Variants in RFX7 observed in about 807,000 individuals in gnomAD.
RFX7 encodes the protein regulatory factor X7.
A neutral mutation model predicts 111.8 loss-of-function variants in RFX7; 26 were observed. The ratio of observed to expected loss-of-function variants is 0.23; its 90% CI spans 0.17 to 0.32. The LOEUF is 0.32. Ranked by LOEUF, RFX7 falls within the 10% of genes least tolerant of loss-of-function variation. RFX7 has a pLI of 1.00. For missense variants in RFX7, 1,573 were observed against 1,772.9 expected (o/e 0.89, Z 2.02); for synonymous variants, 624 against 624.4 (o/e 1.00, Z 0.01).
At chr15:56,244,192 TAA>T (rs2043779108), upstream of RFX7, 1 of 152,178 alleles carries the variant, frequency 6.6e-6, no homozygotes, top group African/African-American at 2.4e-5. Flanking sequence ...TCAAAGCAAG[TAA>T]AGAGAAATCA....
intron 3 of RFX7, among the ~76,000 whole-genome samples, chr15:56,153,906 C>A: frequency 6.6e-6 from 1 of 152,084 alleles, no homozygotes; most frequent in Non-Finnish European, 1.5e-5. Context: ...TCATCTCAGC[C>A]CAAAATCTCC....
intron 5 of RFX7, among the ~76,000 whole-genome samples, chr15:56,121,372 T>C (rs2042076663): frequency 6.6e-6 from 1 of 152,236 alleles, no homozygotes; most frequent in Non-Finnish European, 1.5e-5. Flanking sequence ...AGGTCCATTG[T>C]ATGTTATTTG....
chr15:56,244,694 G>T (rs2043801124), upstream of RFX7, among the ~76,000 whole-genome samples: 1 of 150,930 alleles, frequency 6.6e-6, no homozygotes, highest in South Asian at 2.1e-4. Context: ...TGCAGCCAAG[G>T]CCACTGCCTG....
intron 5 of RFX7, among the ~76,000 whole-genome samples, chr15:56,105,349 C>T (rs1268113043): frequency 6.6e-6 from 1 of 152,160 alleles, no homozygotes; most frequent in East Asian, 1.9e-4. Flanking sequence ...TAAGTTCAAG[C>T]AGGGCAGTGA....
chr15:56,243,185 AC>A lies in RFX7; in HGVS notation c.100del (p.Val34CysfsTer41). 1 of 1,352,794 alleles carries A rather than the reference AC, an allele frequency of 7.4e-7. No individual in the cohort carries two copies. Among genetic ancestry groups the A allele is most frequent in the Non-Finnish European group, 9.8e-7 (1 of 1,015,574 alleles). The allele number at this position is 1,352,794 out of a possible 1,614,324, so 83.8% of individuals were successfully genotyped here. A position where few individuals can be genotyped will look rare whatever the true frequency, so the allele number is the denominator to read the frequency against. ...GGCCTCTGTCCCTGGCAGCCCGGGC[AC>A]AAGGGCTGGCAGGGCCACCCCCGAG... ...PNSGVALPAL[V>X]PGLPGTEASA... On this transcript the variant is annotated frameshift_variant, in exon 2 of 10. Coordinates refer to ENST00000559447, the MANE Select transcript of RFX7 (RefSeq NM_022841.7). LOFTEE classifies it high-confidence loss of function.
In RFX7 at chr15:56,152,316, C is replaced by A. The variant is rs546581726; in HGVS notation, c.196-7833G>T. 2.6e-5 allele frequency among the ~76,000 whole-genome samples: 4 copies of A among 152,268 alleles called. No homozygotes were observed. The South Asian group carries it at 8.3e-4, about 32-fold the overall frequency. ...ACATAATTGGAAGTAAAACACTCCT[C>A]AGCAAATGCAAAAGAAGGGAAATCA... On this transcript the variant is annotated intron_variant, in intron 3 of 9. Coordinates refer to ENST00000559447, the MANE Select transcript of RFX7 (RefSeq NM_022841.7).
At chr15:56,123,657 T>C (rs2042105887) in intron 5 of RFX7, among the ~76,000 whole-genome samples, 1 of 152,204 alleles carries the variant, frequency 6.6e-6, no homozygotes, top group Non-Finnish European at 1.5e-5. Flanking sequence ...ATTGCAGTCC[T>C]TGTGGTCTAG....
intron 3 of RFX7, among the ~76,000 whole-genome samples, chr15:56,145,271 C>A (rs1410457163): frequency 6.6e-6 from 1 of 152,114 alleles, no homozygotes; most frequent in Non-Finnish European, 1.5e-5. Context: ...ATTCTGGTAG[C>A]CTAATCTAAG....
chr15:56,159,156 G>T (rs2042690777), intron 3 of RFX7, among the ~76,000 whole-genome samples: 1 of 152,164 alleles, frequency 6.6e-6, no homozygotes, highest in South Asian at 2.1e-4. Context: ...AGTCCATGTT[G>T]TTGTAAATAA....
intron 5 of RFX7, among the ~76,000 whole-genome samples, chr15:56,138,120 G>C (rs1341326136): frequency 7.2e-6 from 1 of 139,312 alleles, no homozygotes; most frequent in African/African-American, 2.7e-5. Context: ...TTCTGTAGAT[G>C]TCTATTAGGT....
chr15:56,149,569 G>T (rs982050806), intron 3 of RFX7, among the ~76,000 whole-genome samples: 2 of 152,180 alleles, frequency 1.3e-5, no homozygotes, highest in Non-Finnish European at 2.9e-5. Flanking sequence ...GAAGCAGGGT[G>T]GGGCGTCACT....
chr15:56,142,594 C>A (rs2042415152), intron 5 of RFX7, among the ~76,000 whole-genome samples, 184 bp downstream of exon 5: 1 of 152,264 alleles, frequency 6.6e-6, no homozygotes, highest in East Asian at 1.9e-4. Context: ...TTCATTAATC[C>A]TGCCCCCCTT....
intron 2 of RFX7, among the ~76,000 whole-genome samples, chr15:56,183,420 G>C (rs1181411260): frequency 1.3e-5 from 2 of 151,852 alleles, no homozygotes; most frequent in African/African-American, 4.8e-5. Context: ...TTCTCATTTT[G>C]ATCTTTAATC....
chr15:56,144,423 C>G lies in RFX7; in HGVS notation c.256G>C (p.Gly86Arg), dbSNP rs761948285. 7.3e-6 allele frequency: 10 copies of G among 1,365,098 alleles called. No individual in the cohort carries two copies. The highest frequency in any genetic ancestry group is 9.8e-6 in the Non-Finnish European group (10 of 1,019,816). The allele number at this position is 1,365,098 out of a possible 1,614,324, so 84.6% of individuals were successfully genotyped here. Residue 86 changes from glycine (G) to arginine (R), a missense_variant, in exon 4 of 10, where the codon GGT becomes CGT. Gly to Arg is a moderately radical substitution (Grantham distance 125). Around this residue, in one of 7 missense-constraint regions of RFX7, gnomAD observed 191 missense variants for 194.2 expected, o/e 0.98. Coordinates refer to ENST00000559447, the MANE Select transcript of RFX7 (RefSeq NM_022841.7). ...TACCTTTTCTCTCCATTGCTGAGAC[C>G]AGAAGGCAGCTGAAGGTAGAGGTAG... ...KLYLYLQLPS[G>R]LSNGEKSDQN... is the part of the protein sequence containing the mutation.
chr15:56,244,819 TC>T (rs1384102928), upstream of RFX7, among the ~76,000 whole-genome samples: 11 of 148,612 alleles, frequency 7.4e-5, no homozygotes, highest in East Asian at 6.1e-4. Flanking sequence ...TCCGCACCAT[TC>T]CCCCCCTTCC....
intron 5 of RFX7, among the ~76,000 whole-genome samples, chr15:56,109,665 C>T (rs1211964999): frequency 6.6e-6 from 1 of 151,788 alleles, no homozygotes; most frequent in African/African-American, 2.4e-5. Context: ...GGCCGCCCAT[C>T]GTCTGAGATG....
rs772894672 is a variant in RFX7, at chr15:56,140,461, C to CG, written c.401+2316dup. 1.3e-5 allele frequency among the ~76,000 whole-genome samples: 2 copies of CG among 152,238 alleles called. 1 individual carries two copies. On this transcript the variant is annotated intron_variant, in intron 5 of 9. Coordinates refer to ENST00000559447, the MANE Select transcript of RFX7 (RefSeq NM_022841.7). ...GCGCTTCCCAAGTGAGGCAATGCCT[C>CG]GCCCTGCTTCGGCTGGCGCACGGTG...
At chr15:56,096,897 T>C (rs2041686946) in intron 9 of RFX7, among the ~76,000 whole-genome samples, 1 of 152,196 alleles carries the variant, frequency 6.6e-6, no homozygotes, top group South Asian at 2.1e-4. Flanking sequence ...GAATATTTGC[T>C]GAAACAATGA....
chr15:56,124,145 G>A (rs1383208695), intron 5 of RFX7, among the ~76,000 whole-genome samples: 5 of 152,096 alleles, frequency 3.3e-5, no homozygotes, highest in Admixed American at 2.0e-4. Flanking sequence ...AACATCTGCC[G>A]GGTGCAGTGG....
Sources: allele counts gnomAD v4.1 joint callset (sites outside exome capture counted in the v4.1 genomes callset), GRCh38; gene constraint gnomAD v4.1.1; regional missense constraint gnomAD v4.1.1; transcripts MANE v1.5; gene names NCBI Gene and HGNC (gene_info 2026-07-23, HGNC 2026-07-21).